The following NEGR1 variants were observed in gnomAD, a reference collection of about 807,000 sequenced individuals.
NEGR1 encodes IgLON family member 4.
Under a neutral mutation model 40.9 loss-of-function variants are expected in NEGR1, and 10 were observed. That is an observed-to-expected ratio of 0.24 (90% CI 0.15 to 0.42). The LOEUF is 0.42. Ranked by LOEUF, NEGR1 falls within the 10% of genes least tolerant of loss-of-function variation. NEGR1 has a pLI of 1.00. For synonymous variants in NEGR1, 185 were observed against 166.8 expected (o/e 1.11, Z -0.84); for missense variants, 352 against 438.9 (o/e 0.80, Z 1.77).
At position 72,236,300 on chromosome 1, in the gene NEGR1, G is replaced by T. The variant is rs1457444153; in HGVS notation, c.176+46019C>A. ...ACTTTTGAGGGGTGGGGAGATAGAG[G>T]AGGGATACCTTTAGGAGAAATACCT... On this transcript the variant is annotated intron_variant, in intron 1 of 6. Transcript: ENST00000357731. 2.0e-5 allele frequency among the ~76,000 whole-genome samples: 3 copies of T among 152,080 alleles called. No individual in the cohort carries two copies. The South Asian group carries it at 6.2e-4, about 32-fold the overall frequency.
chr1:71,572,058 T>G (rs766482177), intron 6 of NEGR1, among the ~76,000 whole-genome samples: 13 of 152,272 alleles, frequency 8.5e-5, no homozygotes, highest in Non-Finnish European at 1.2e-4. Flanking sequence ...TAGCTCTGAG[T>G]ATTAGCCTTT....
chr1:72,121,359 T>G (rs892330017), intron 1 of NEGR1, among the ~76,000 whole-genome samples: 3 of 152,022 alleles, frequency 2.0e-5, no homozygotes, highest in Non-Finnish European at 4.4e-5. Context: ...CATGGGATAT[T>G]CGAACTTCTA....
chr1:71,595,732 G>C (rs560928596), intron 5 of NEGR1, among the ~76,000 whole-genome samples: 1 of 152,096 alleles, frequency 6.6e-6, no homozygotes, highest in African/African-American at 2.4e-5. Context: ...TACAACAGAA[G>C]GGTATTTTGG....
chr1:71,420,274 AAT>A (rs1340358967), intron 6 of NEGR1, among the ~76,000 whole-genome samples: 2 of 152,066 alleles, frequency 1.3e-5, no homozygotes, highest in Non-Finnish European at 2.9e-5. Context: ...ACTTAACCTT[AAT>A]ATATACATTT....
intron 2 of NEGR1, among the ~76,000 whole-genome samples, chr1:71,853,232 A>G (rs902484825): frequency 2.0e-5 from 3 of 152,126 alleles, no homozygotes; most frequent in Non-Finnish European, 2.9e-5. Context: ...ATCAATCTTG[A>G]GAATGTTGGT....
At chr1:71,844,647 C>G (rs1659345163) in intron 2 of NEGR1, among the ~76,000 whole-genome samples, 1 of 152,184 alleles carries the variant, frequency 6.6e-6, no homozygotes, top group East Asian at 1.9e-4. Flanking sequence ...ATTGTTCAAT[C>G]TAGACTAGCA....
At chr1:72,218,027 T>C (rs948279535) in intron 1 of NEGR1, among the ~76,000 whole-genome samples, 1 of 151,904 alleles carries the variant, frequency 6.6e-6, no homozygotes, top group African/African-American at 2.4e-5. Context: ...CTTTATACAG[T>C]AAAACTTTGG....
chr1:71,872,042 G>C (rs1660293577), intron 2 of NEGR1, among the ~76,000 whole-genome samples: 1 of 152,106 alleles, frequency 6.6e-6, no homozygotes, highest in Non-Finnish European at 1.5e-5. Context: ...ACTCTGGCCA[G>C]CTAAATAATA....
chr1:71,634,026 AT>A (rs1651061529), intron 4 of NEGR1, among the ~76,000 whole-genome samples: 1 of 152,132 alleles, frequency 6.6e-6, no homozygotes, highest in Admixed American at 6.6e-5. Context: ...TTTGGGATGG[AT>A]CCATTGTTTT....
intron 6 of NEGR1, chr1:71,421,229 C>T (rs1333242323): frequency 6.6e-6 from 1 of 151,986 alleles, no homozygotes; most frequent in African/African-American, 2.4e-5. Flanking sequence ...AAAGAGTAGG[C>T]ATCTACAACA....
Position 71,498,453 on chromosome 1 carries a change from G to A in NEGR1, c.941-90883C>T, listed in dbSNP as rs770855293. On this transcript the variant is annotated intron_variant, in intron 6 of 6. Transcript: ENST00000357731. ...TAAAGAAAAGGGATGTACATATTAT[G>A]CTTCAAGAGGTGTAGCAATATAAGT... is the stretch of plus-strand genomic sequence containing the variant. Among the ~76,000 whole-genome samples the A allele has an allele frequency of 2.3e-4, 35 of 152,012 alleles. 1 individual carries two copies. The highest frequency in any genetic ancestry group is 1.2e-3 in the Admixed American group (18 of 15,224).
chr1:71,646,654 T>C (rs1050524585), intron 4 of NEGR1, among the ~76,000 whole-genome samples: 6 of 151,820 alleles, frequency 4.0e-5, no homozygotes. Context: ...TCTCTTTATG[T>C]TTGAAAATAC....
chr1:72,110,806 A>C (rs902997665), intron 1 of NEGR1, among the ~76,000 whole-genome samples: 1 of 151,606 alleles, frequency 6.6e-6, no homozygotes, highest in African/African-American at 2.4e-5. Context: ...GGTCATTTTT[A>C]CATGTAAATA....
intron 1 of NEGR1, among the ~76,000 whole-genome samples, chr1:72,084,540 G>A (rs1569936732): frequency 6.6e-6 from 1 of 152,028 alleles, no homozygotes; most frequent in African/African-American, 2.4e-5. Flanking sequence ...ATGTATCCCT[G>A]TATTAGATAG....
intron 1 of NEGR1, among the ~76,000 whole-genome samples, chr1:71,965,044 A>G (rs1038068473): frequency 1.3e-5 from 2 of 152,168 alleles, no homozygotes; most frequent in South Asian, 4.1e-4. Flanking sequence ...GTTCTGGCCA[A>G]TAAAAGCTGA....
At chr1:71,481,069 T>C (rs1166540085) in intron 6 of NEGR1, among the ~76,000 whole-genome samples, 2 of 151,990 alleles carry the variant, frequency 1.3e-5, no homozygotes, top group Non-Finnish European at 2.9e-5. Context: ...TTATTTCATA[T>C]AATGATTTCA....
chr1:71,708,452 A>G (rs936944275), intron 3 of NEGR1, among the ~76,000 whole-genome samples: 1 of 152,092 alleles, frequency 6.6e-6, no homozygotes, highest in Non-Finnish European at 1.5e-5. Context: ...ATTCAATGCA[A>G]TCCCTATCAA....
intron 1 of NEGR1, among the ~76,000 whole-genome samples, chr1:72,249,563 A>G (rs1223846310): frequency 2.6e-5 from 4 of 152,328 alleles, no homozygotes; most frequent in African/African-American, 9.6e-5. Context: ...AGATGCTAAC[A>G]CATGAAAGGC....
At chr1:71,978,557 G>A (rs1315010205) in intron 1 of NEGR1, among the ~76,000 whole-genome samples, 1 of 151,978 alleles carries the variant, frequency 6.6e-6, no homozygotes, top group Non-Finnish European at 1.5e-5. Context: ...GACATAAACA[G>A]ACACTTTTCA....
Sources: allele counts gnomAD v4.1 joint callset (sites outside exome capture counted in the v4.1 genomes callset), GRCh38; gene constraint gnomAD v4.1.1; transcripts MANE v1.5; gene names NCBI Gene and HGNC (gene_info 2026-07-23, HGNC 2026-07-21).